The following SGCD variants were observed in gnomAD, a reference collection of about 807,000 sequenced individuals.
The protein encoded by SGCD is sarcoglycan delta.
In SGCD, 18 loss-of-function variants were observed where a neutral mutation model predicts 36.6. The ratio of observed to expected loss-of-function variants is 0.49; its 90% CI spans 0.34 to 0.73. The LOEUF is 0.73. SGCD is among the 30% of genes least tolerant of loss of function. The probability of loss-of-function intolerance (pLI) is 0.01; values close to 1 mark genes in which losing one functional copy is unlikely to be tolerated. For synonymous variants in SGCD, 133 were observed against 130.6 expected, an observed-to-expected ratio of 1.02 and a Z score of -0.12; for missense variants, 387 against 346.7, an observed-to-expected ratio of 1.12 and a Z score of -0.92.
intron 3 of SGCD, among the ~76,000 whole-genome samples, chr5:156,202,159 C>T (rs1023287397): frequency 6.6e-6 from 1 of 152,116 alleles, no homozygotes; most frequent in Non-Finnish European, 1.5e-5. Context: ...TGGCCTTTGC[C>T]GTTAAAGTGA....
intron 1 of SGCD, among the ~76,000 whole-genome samples, chr5:156,096,405 C>G (rs1581096968): frequency 1.3e-5 from 2 of 152,170 alleles, no homozygotes; most frequent in African/African-American, 4.8e-5. Flanking sequence ...TGACTTAAGC[C>G]ATTTCAAATT....
intron 3 of SGCD, among the ~76,000 whole-genome samples, chr5:156,271,233 G>T (rs1766169402): frequency 6.6e-6 from 1 of 152,152 alleles, no homozygotes; most frequent in Non-Finnish European, 1.5e-5. Context: ...ATTGGGATCT[G>T]ATCTGCCCTA....
intron 7 of SGCD, among the ~76,000 whole-genome samples, chr5:156,702,729 C>A (rs1437592216): frequency 6.6e-6 from 1 of 152,114 alleles, no homozygotes; most frequent in Non-Finnish European, 1.5e-5. Flanking sequence ...ACCCTTCTTA[C>A]TATGAGTGGG....
chr5:155,959,387 A>G (rs1757742251), intron 1 of SGCD, among the ~76,000 whole-genome samples: 1 of 152,100 alleles, frequency 6.6e-6, no homozygotes, highest in South Asian at 2.1e-4. Context: ...ATTCAGCTGG[A>G]GAACTTGCCA....
chr5:156,287,621 G>C (rs953882018), intron 3 of SGCD, among the ~76,000 whole-genome samples: 1 of 140,108 alleles, frequency 7.1e-6, no homozygotes, highest in Non-Finnish European at 1.5e-5. Context: ...CTTTAGTTCC[G>C]TTTCTTTGTG....
chr5:156,545,940 G>A (rs13358990), intron 4 of SGCD, among the ~76,000 whole-genome samples: 6,498 of 152,292 alleles, frequency 0.043, 457 homozygotes, highest in African/African-American at 0.15. Flanking sequence ...AAATTACCCA[G>A]TGTGTCAAGT....
intron 1 of SGCD, among the ~76,000 whole-genome samples, chr5:156,010,440 T>C (rs2127570446): frequency 6.6e-6 from 1 of 152,320 alleles, no homozygotes; most frequent in East Asian, 1.9e-4. Context: ...TAAAATCCAA[T>C]TAATACATAC....
intron 3 of SGCD, among the ~76,000 whole-genome samples, chr5:156,443,176 G>C (rs868027172): frequency 1.3e-5 from 2 of 152,010 alleles, no homozygotes; most frequent in African/African-American, 4.8e-5. Context: ...GTAGAGACAG[G>C]GTTTCACCGT....
the SGCD span, among the ~76,000 whole-genome samples, chr5:155,768,101 G>A: frequency 6.6e-6 from 1 of 152,082 alleles, no homozygotes; most frequent in Non-Finnish European, 1.5e-5. Flanking sequence ...GATTTTCAGT[G>A]AGTTCCATTT....
At chr5:156,176,778 T>C (rs76235377) in intron 3 of SGCD, among the ~76,000 whole-genome samples, 4,030 of 152,264 alleles carry the variant, frequency 0.026, 189 homozygotes, top group African/African-American at 0.092. Flanking sequence ...TTTTTTGTAG[T>C]TTAAATATCT....
intron 3 of SGCD, among the ~76,000 whole-genome samples, chr5:156,237,436 C>A: frequency 6.6e-6 from 1 of 151,932 alleles, no homozygotes; most frequent in East Asian, 1.9e-4. Flanking sequence ...ACCAGCCTGG[C>A]CAACACGGTG....
intron 3 of SGCD, among the ~76,000 whole-genome samples, chr5:156,190,835 A>T (rs1161891503): frequency 2.0e-5 from 3 of 152,268 alleles, no homozygotes; most frequent in Admixed American, 6.5e-5. Context: ...TCTAAAATTC[A>T]TCGGGAGTAG....
At chr5:156,706,910 A>T (rs925459901) in intron 7 of SGCD, among the ~76,000 whole-genome samples, 1 of 152,178 alleles carries the variant, frequency 6.6e-6, no homozygotes, top group Non-Finnish European at 1.5e-5. Context: ...TTTGAGATGC[A>T]AAAGCCAAGA....
At chr5:156,148,925 G>T (rs971506797) in intron 3 of SGCD, among the ~76,000 whole-genome samples, 2 of 152,222 alleles carry the variant, frequency 1.3e-5, no homozygotes, top group East Asian at 3.9e-4. Flanking sequence ...TGCTTTTATC[G>T]TTCCATCAGA....
At chr5:156,453,735 T>TAAAA (rs1430517381) in intron 3 of SGCD, among the ~76,000 whole-genome samples, 1 of 151,956 alleles carries the variant, frequency 6.6e-6, no homozygotes, top group Non-Finnish European at 1.5e-5. Flanking sequence ...ATCCCTGGAA[T>TAAAA]AAAAAACAAA....
intron 3 of SGCD, among the ~76,000 whole-genome samples, chr5:156,206,684 G>A (rs1764287152): frequency 6.6e-6 from 1 of 151,976 alleles, no homozygotes; most frequent in South Asian, 2.1e-4. Context: ...CCAGAAAGAT[G>A]TAAAAGTTAG....
intron 3 of SGCD, among the ~76,000 whole-genome samples, chr5:156,294,362 C>T (rs757402608): frequency 6.6e-6 from 1 of 151,860 alleles, no homozygotes; most frequent in Admixed American, 6.6e-5. Flanking sequence ...CTCAGGAGGC[C>T]GAGGCAAGAG....
chr5:156,347,283 AC>A (rs1769000997), intron 3 of SGCD, among the ~76,000 whole-genome samples: 1 of 152,232 alleles, frequency 6.6e-6, no homozygotes, highest in Non-Finnish European at 1.5e-5. Context: ...CCCAGTGACC[AC>A]AATTGCCATC....
intron 1 of SGCD, among the ~76,000 whole-genome samples, chr5:155,912,954 G>A (rs1021540771): frequency 2.0e-5 from 3 of 152,140 alleles, no homozygotes; most frequent in East Asian, 1.9e-4. Context: ...TGCTGCCAAT[G>A]TTCCTTCTAA....
Sources: allele counts gnomAD v4.1 joint callset (sites outside exome capture counted in the v4.1 genomes callset), GRCh38; gene constraint gnomAD v4.1.1; transcripts MANE v1.5; gene names NCBI Gene and HGNC (gene_info 2026-07-23, HGNC 2026-07-21).